SLC17A5: variants seen among roughly 807,000 people sequenced by gnomAD.
The protein encoded by SLC17A5 is sialin.
Under a neutral mutation model 59.4 loss-of-function variants are expected in SLC17A5, and 47 were observed. The observed-to-expected ratio is 0.79, with a 90% confidence interval of 0.63 to 1.01. The LOEUF (loss-of-function observed/expected upper bound fraction) is 1.01. Ranked by LOEUF, SLC17A5 falls within the 50% of genes least tolerant of loss-of-function variation. The pLI, the probability that SLC17A5 is intolerant of heterozygous loss-of-function variation, is 0.00. For missense variants in SLC17A5, 522 were observed against 595.5 expected, an observed-to-expected ratio of 0.88 and a Z score of 1.28; for synonymous variants, 202 against 210.7, an observed-to-expected ratio of 0.96 and a Z score of 0.36.
chr6:73,603,929 CA>C (rs71542210), intron 9 of SLC17A5, among the ~76,000 whole-genome samples: 17 of 145,920 alleles, frequency 1.2e-4, no homozygotes, highest in East Asian at 2.0e-4. Flanking sequence ...AAACAAAAAA[CA>C]AAAAAAAAAC....
intron 6 of SLC17A5, among the ~76,000 whole-genome samples, chr6:73,630,720 T>C (rs58783392): frequency 0.16 from 24,807 of 151,876 alleles, 3,131 homozygotes; most frequent in African/African-American, 0.35. Flanking sequence ...CTCTAGAAGA[T>C]ATCACTCTTT....
intron 1 of SLC17A5, among the ~76,000 whole-genome samples, chr6:73,649,213 G>T (rs1769731427): frequency 6.6e-6 from 1 of 152,148 alleles, no homozygotes; most frequent in African/African-American, 2.4e-5. Flanking sequence ...AGCCAGGCTG[G>T]TCTCAAACTC....
intron 8 of SLC17A5, 105 bp from the exon 9 acceptor site, chr6:73,610,652 G>A (rs369510615): frequency 2.5e-5 from 31 of 1,234,516 alleles, no homozygotes; most frequent in East Asian, 1.5e-4. Flanking sequence ...ACCTACTGTA[G>A]AAACACTATA....
At chr6:73,602,898 GT>G (rs1328874108) in intron 9 of SLC17A5, among the ~76,000 whole-genome samples, 2 of 151,632 alleles carry the variant, frequency 1.3e-5, no homozygotes, top group African/African-American at 4.8e-5. Context: ...CTAGCTTAAA[GT>G]TTTTTAAGTT....
rs145705821 is a variant in SLC17A5 at position 73,595,289 on chromosome 6, CA to C, written c.1351-76del. The C allele has an allele frequency of 1.2e-3, 1,828 of 1,533,030 alleles. 25 individuals are homozygous for C. The African/African-American group carries it at 0.022, about 19-fold the overall frequency. 95.0% of individuals were successfully genotyped at this position (1,533,030 alleles called of 1,614,324 possible). On this transcript the variant is annotated intron_variant, in intron 10 of 10. Transcript: ENST00000355773. Reference sequence around the variant, plus strand: ...TCACTTCATTAAAAAGATAGTGTCACAAGAGTGTTAAAACAGCCACATTATT... The same window carrying C: ...TCACTTCATTAAAAAGATAGTGTCACAGAGTGTTAAAACAGCCACATTATT...
chr6:73,601,918 ACCAC>A (rs1767136818), intron 9 of SLC17A5, among the ~76,000 whole-genome samples: 1 of 151,176 alleles, frequency 6.6e-6, no homozygotes, highest in Non-Finnish European at 1.5e-5. Flanking sequence ...CTGCCCGGCC[ACCAC>A]CCCGTCTGGG....
intron 10 of SLC17A5, among the ~76,000 whole-genome samples, chr6:73,598,488 G>A (rs777859763): frequency 2.6e-5 from 4 of 152,006 alleles, no homozygotes; most frequent in African/African-American, 7.2e-5. Flanking sequence ...AAAATTAGCC[G>A]GGTGTGGTGG....
chr6:73,601,752 C>A (rs1767120242), intron 9 of SLC17A5, among the ~76,000 whole-genome samples: 3 of 136,936 alleles, frequency 2.2e-5, no homozygotes, highest in African/African-American at 2.8e-5. Flanking sequence ...CTCTGCCCAG[C>A]CGCCCCTACT....
intron 6 of SLC17A5, among the ~76,000 whole-genome samples, chr6:73,635,031 AT>A (rs1768928891): frequency 6.9e-6 from 1 of 144,848 alleles, no homozygotes; most frequent in South Asian, 2.1e-4. Flanking sequence ...TATACTTTCT[AT>A]AAAAAATGAA....
chr6:73,609,327 G>A (rs555286), intron 9 of SLC17A5, among the ~76,000 whole-genome samples: 16,351 of 152,160 alleles, frequency 0.11, 1,055 homozygotes, highest in Middle Eastern at 0.18. Flanking sequence ...AAAAATTTTA[G>A]GTTCAAGTTT....
chr6:73,630,743 T>C (rs959823779), intron 6 of SLC17A5, among the ~76,000 whole-genome samples: 1 of 151,714 alleles, frequency 6.6e-6, no homozygotes, highest in Non-Finnish European at 1.5e-5. Context: ...CTCAGGAAAG[T>C]GAGAAAGAAA....
chr6:73,601,619 C>T (rs1306022659), intron 9 of SLC17A5, among the ~76,000 whole-genome samples: 12 of 95,124 alleles, frequency 1.3e-4, no homozygotes, highest in South Asian at 3.3e-4. Context: ...GGCCAGCCGC[C>T]CCGTCCGGGA....
chr6:73,646,857 G>C (rs920042053), intron 1 of SLC17A5, among the ~76,000 whole-genome samples: 3 of 151,982 alleles, frequency 2.0e-5, no homozygotes, highest in Non-Finnish European at 4.4e-5. Flanking sequence ...ATTTTTACTT[G>C]TAGAGTCGGG....
chr6:73,613,409 A>T (rs1489314046), intron 8 of SLC17A5, among the ~76,000 whole-genome samples: 1 of 151,888 alleles, frequency 6.6e-6, no homozygotes, highest in Non-Finnish European at 1.5e-5. Context: ...TCTGTTGCCC[A>T]GGCTGGAGTG....
intron 8 of SLC17A5, among the ~76,000 whole-genome samples, 179 bp downstream of exon 8, chr6:73,615,136 T>C (rs753570401): frequency 6.6e-6 from 1 of 152,220 alleles, no homozygotes; most frequent in Non-Finnish European, 1.5e-5. Flanking sequence ...GCTGCAGAAC[T>C]GGTTATGTGT....
At chr6:73,653,481 G>A in intron 1 of SLC17A5, 1 of 985,042 alleles carries the variant, frequency 1.0e-6, no homozygotes, top group Non-Finnish European at 1.2e-6. Flanking sequence ...CCAGCTCAGC[G>A]CCGGCTGCAC....
intron 1 of SLC17A5, among the ~76,000 whole-genome samples, chr6:73,652,140 G>T (rs1769902638): frequency 6.6e-6 from 1 of 151,986 alleles, no homozygotes; most frequent in South Asian, 2.1e-4. Context: ...CTCTCCAGTG[G>T]GTATGTAAAG....
At chr6:73,602,814 A>G in intron 9 of SLC17A5, among the ~76,000 whole-genome samples, 1 of 152,040 alleles carries the variant, frequency 6.6e-6, no homozygotes. Context: ...GAACACAGCC[A>G]TGGAAATAAC....
chr6:73,624,966 A>G (rs983710973), intron 6 of SLC17A5, among the ~76,000 whole-genome samples: 1 of 152,160 alleles, frequency 6.6e-6, no homozygotes, highest in South Asian at 2.1e-4. Flanking sequence ...TACCACTGAT[A>G]TTTAGGGCAT....
Sources: gnomAD v4.1 joint callset for allele counts (sites outside exome capture counted in the v4.1 genomes callset) on GRCh38, gnomAD v4.1.1 for gene constraint, MANE v1.5 for transcripts, NCBI Gene and HGNC (gene_info 2026-07-23, HGNC 2026-07-21) for gene names.